ZNF512: variants seen among roughly 807,000 people sequenced by gnomAD.
ZNF512 encodes zinc finger protein 512.
In ZNF512, 25 loss-of-function variants were observed where a neutral mutation model predicts 77.5. The observed-to-expected ratio is 0.32, with a 90% confidence interval of 0.23 to 0.45. ZNF512 has a LOEUF of 0.45. Ranked by LOEUF, ZNF512 falls within the 20% of genes least tolerant of loss-of-function variation. The probability of loss-of-function intolerance (pLI) is 1.00; values close to 1 mark genes in which losing one functional copy is unlikely to be tolerated. For missense variants in ZNF512, 483 were observed against 692.6 expected (o/e 0.70, Z 3.40); for synonymous variants, 246 against 239.9 (o/e 1.03, Z -0.24).
intron 10 of ZNF512, among the ~76,000 whole-genome samples, chr2:27,612,621 A>G (rs1449854341): frequency 4.6e-5 from 7 of 152,054 alleles, no homozygotes; most frequent in African/African-American, 1.7e-4. Context: ...TTTCTCCAAC[A>G]GTGAGAAACG....
chr2:27,606,992 C>T (rs953667071), intron 9 of ZNF512, among the ~76,000 whole-genome samples: 2 of 152,120 alleles, frequency 1.3e-5, no homozygotes, highest in African/African-American at 4.8e-5. Context: ...TCATGGCTGT[C>T]TTCAAGTCAG....
chr2:27,615,585 T>C (rs1672850606), intron 11 of ZNF512, among the ~76,000 whole-genome samples: 1 of 152,126 alleles, frequency 6.6e-6, no homozygotes, highest in Non-Finnish European at 1.5e-5. Flanking sequence ...TCTAGCAGAG[T>C]AGCTGGGCTA....
chr2:27,619,314 AT>A (rs1447520407), intron 13 of ZNF512, among the ~76,000 whole-genome samples: 1 of 151,804 alleles, frequency 6.6e-6, no homozygotes, highest in Non-Finnish European at 1.5e-5. Flanking sequence ...GAGGCAGGAG[AT>A]TTGCTTGAAC....
chr2:27,597,980 G>A (rs1572914288), intron 2 of ZNF512, 87 bp from the exon 3 acceptor site: 1 of 1,127,412 alleles, frequency 8.9e-7, no homozygotes, highest in East Asian at 2.4e-5. Context: ...TTCTGCAGAG[G>A]TAACCAACTT....
chr2:27,614,411 C>T (rs1672793441), intron 10 of ZNF512, among the ~76,000 whole-genome samples: 1 of 152,182 alleles, frequency 6.6e-6, no homozygotes, highest in South Asian at 2.1e-4. Flanking sequence ...TGATTTCTCT[C>T]ACATCCCTGT....
intron 2 of ZNF512, among the ~76,000 whole-genome samples, chr2:27,584,775 G>A (rs546962019): frequency 6.6e-6 from 1 of 152,314 alleles, no homozygotes; most frequent in Non-Finnish European, 1.5e-5. Flanking sequence ...GGGATAGTAA[G>A]TAGTTCTGTA....
intron 7 of ZNF512, 74 bp from the exon 8 acceptor site, chr2:27,602,389 C>G (rs754569388): frequency 1.4e-6 from 2 of 1,443,094 alleles, no homozygotes; most frequent in Non-Finnish European, 1.9e-6. Flanking sequence ...CCTTGATTCT[C>G]CTCTGATATT....
At chr2:27,602,629 C>A in intron 8 of ZNF512, 68 bp downstream of exon 8, 2 of 1,359,636 alleles carry the variant, frequency 1.5e-6, no homozygotes, top group East Asian at 2.4e-5. Context: ...TTCTTCTTTC[C>A]ATTTCTTCTC....
At chr2:27,593,234 AC>A (rs1671679003) in intron 2 of ZNF512, among the ~76,000 whole-genome samples, 1 of 149,608 alleles carries the variant, frequency 6.7e-6, no homozygotes, top group Non-Finnish European at 1.5e-5. Context: ...ACACACACAC[AC>A]ACACACACAC....
intron 2 of ZNF512, among the ~76,000 whole-genome samples, chr2:27,587,690 AT>A (rs963630234): frequency 9.3e-6 from 1 of 107,414 alleles, no homozygotes; most frequent in Non-Finnish European, 2.1e-5. Flanking sequence ...TTTTTATTTT[AT>A]TTTTTTTGAG....
intron 3 of ZNF512, 117 bp from the exon 4 acceptor site, chr2:27,599,466 G>T (rs1339458118): frequency 4.1e-6 from 3 of 727,774 alleles, no homozygotes; most frequent in African/African-American, 1.8e-5. Context: ...TCTGAGGCCT[G>T]TGTTCACTGA....
At chr2:27,621,020 G>C in intron 13 of ZNF512, 133 bp from the exon 14 acceptor site, 2 of 945,202 alleles carry the variant, frequency 2.1e-6, no homozygotes, top group Admixed American at 5.6e-5. Context: ...AGAATCCTGA[G>C]GTATGGTTCC....
chr2:27,610,580 T>A (rs1234610734), intron 10 of ZNF512, among the ~76,000 whole-genome samples: 1,736 of 45,266 alleles, frequency 0.038, 170 homozygotes, highest in African/African-American at 0.16. Context: ...TTTTTTTTTT[T>A]TTTTTTTTTT....
intron 7 of ZNF512, among the ~76,000 whole-genome samples, chr2:27,601,643 T>TG (rs1672119108): frequency 7.1e-6 from 1 of 141,370 alleles, no homozygotes; most frequent in Non-Finnish European, 1.5e-5. Context: ...CTGGCTAATT[T>TG]TTTTTGTTTT....
At chr2:27,617,438 C>T (rs1326174585) in intron 12 of ZNF512, 35 bp from the exon 13 acceptor site, 2 of 841,476 alleles carry the variant, frequency 2.4e-6, no homozygotes, top group Admixed American at 1.7e-5. Context: ...GCTGAATTTA[C>T]CAGTAATTCT....
At chr2:27,600,218 A>G (rs1672054789) in intron 5 of ZNF512, among the ~76,000 whole-genome samples, 165 bp downstream of exon 5, 1 of 152,232 alleles carries the variant, frequency 6.6e-6, no homozygotes, top group Non-Finnish European at 1.5e-5. Context: ...TTGGCTCTTC[A>G]TTAACTTTGT....
At chr2:27,619,127 C>T (rs997243266) in intron 13 of ZNF512, among the ~76,000 whole-genome samples, 4 of 152,090 alleles carry the variant, frequency 2.6e-5, no homozygotes, top group Admixed American at 6.6e-5. Flanking sequence ...AGGTAATTAT[C>T]GGCTGGGCAC....
At chr2:27,615,122 T>A (rs1672830269) in intron 10 of ZNF512, 46 bp from the exon 11 acceptor site, 4 of 1,205,622 alleles carry the variant, frequency 3.3e-6, no homozygotes, top group Non-Finnish European at 4.8e-6. Context: ...GATATTTTGG[T>A]TGGGAGTTGT....
In ZNF512 at chr2:27,593,810, G is replaced by C. The variant is rs575628505; in HGVS notation, c.90-4257G>C. Among the ~76,000 whole-genome samples the C allele has an allele frequency of 3.4e-5, 5 of 146,180 alleles. No homozygotes were observed. In the South Asian group the frequency reaches 1.1e-3, roughly 31 times the overall value. ...TTTTTTTTTTTCCATTTAACCCTGA[G>C]TTGACACAGCACATGTTTCAGAGAG... On this transcript the variant is annotated intron_variant, in intron 2 of 13. Transcript: ENST00000355467.
Sources: allele counts gnomAD v4.1 joint callset (sites outside exome capture counted in the v4.1 genomes callset), GRCh38; gene constraint gnomAD v4.1.1; transcripts MANE v1.5; gene names NCBI Gene and HGNC (gene_info 2026-07-23, HGNC 2026-07-21).